The following LRCH3 variants were observed in gnomAD, a reference collection of about 807,000 sequenced individuals.
The protein encoded by LRCH3 is DISP complex protein LRCH3.
In LRCH3, 68 loss-of-function variants were observed where a neutral mutation model predicts 104.5. That is an observed-to-expected ratio of 0.65 (90% CI 0.54 to 0.80). LRCH3 has a LOEUF of 0.80. Ranked by LOEUF, LRCH3 falls within the 30% of genes least tolerant of loss-of-function variation. The probability of loss-of-function intolerance (pLI) is 0.00; values close to 1 mark genes in which losing one functional copy is unlikely to be tolerated. For missense variants in LRCH3, 951 were observed against 953.9 expected, an observed-to-expected ratio of 1.00 and a Z score of 0.04; for synonymous variants, 344 against 361.3, an observed-to-expected ratio of 0.95 and a Z score of 0.54.
chr3:197,811,898 G>A (rs1733163480), intron 1 of LRCH3, among the ~76,000 whole-genome samples: 1 of 152,164 alleles, frequency 6.6e-6, no homozygotes. Context: ...TTTTATTGCT[G>A]AGACATAAGA....
intron 9 of LRCH3, among the ~76,000 whole-genome samples, chr3:197,838,799 T>A (rs956231924): frequency 6.6e-6 from 1 of 152,240 alleles, no homozygotes; most frequent in African/African-American, 2.4e-5. Flanking sequence ...AATTACTTTT[T>A]GTTTTGTCTT....
At chr3:197,792,171 C>T (rs1180567934) in intron 1 of LRCH3, among the ~76,000 whole-genome samples, 1 of 151,728 alleles carries the variant, frequency 6.6e-6, no homozygotes, top group Non-Finnish European at 1.5e-5. Flanking sequence ...CTTTCTTCGC[C>T]TCCATCTAGT....
At chr3:197,826,851 G>A (rs778601922) in intron 4 of LRCH3, 27 bp from the exon 5 acceptor site, 2 of 1,613,534 alleles carry the variant, frequency 1.2e-6, no homozygotes, top group Admixed American at 1.7e-5. Flanking sequence ...ATCATTAATT[G>A]TTCATTTCCA....
chr3:197,855,675 A>G (rs1367058087), intron 14 of LRCH3, among the ~76,000 whole-genome samples: 2 of 152,236 alleles, frequency 1.3e-5, no homozygotes, highest in Non-Finnish European at 2.9e-5. Context: ...TCTGAGTGCC[A>G]AGACTTTTTT....
At position 197,852,599 on chromosome 3, in the gene LRCH3, C is replaced by T. The variant is rs778904360; in HGVS notation, c.1569C>T (p.Leu523=). 1.2e-6 allele frequency: 2 copies of T among 1,613,936 alleles called. No individual in the cohort carries two copies. Among genetic ancestry groups the T allele is most frequent in the Admixed American group, 1.7e-5 (1 of 60,006 alleles). ...ASQSPQKQHP[L]LDGVDGECPF... ...AAAGTCCACAAAAACAGCACCCGCTCCTAGATGGCGTAGATGGTGAGGTAA... is the reference window on the plus strand; with the variant it reads ...AAAGTCCACAAAAACAGCACCCGCTTCTAGATGGCGTAGATGGTGAGGTAA... The change falls in exon 13 of 21, where the codon CTC becomes CTT. Residue 523 remains leucine, a synonymous_variant. Transcript: ENST00000425562.
rs1310581404 is a variant in LRCH3 at position 197,856,685 on chromosome 3, CTTG to C, written c.1645-2146_1645-2144del. Among the ~76,000 whole-genome samples the C allele has an allele frequency of 6.6e-6, 1 of 152,138 alleles. No individual in the cohort carries two copies. Among genetic ancestry groups the C allele is most frequent in the African/African-American group, 2.4e-5 (1 of 41,424 alleles). Reference sequence around the variant, plus strand: ...TACAGGCATGAGCCACCGTGCCCAGCTTGTTTATTCTTTTATTATCTCTTTTCT... The same window carrying C: ...TACAGGCATGAGCCACCGTGCCCAGCTTTATTCTTTTATTATCTCTTTTCT... On this transcript the variant is annotated intron_variant, in intron 14 of 20. Transcript: ENST00000425562. This position sits in a 1 kb window ranked among gnomAD's most constrained non-coding sequence, Gnocchi z 4.2.
At chr3:197,825,464 A>AT (rs58237989) in intron 4 of LRCH3, among the ~76,000 whole-genome samples, 421 of 20,062 alleles carry the variant, frequency 0.021, 176 homozygotes, top group Non-Finnish European at 0.025. Context: ...ATCCTCTTTG[A>AT]TTTTTTTTTT....
Position 197,875,779 on chromosome 3 carries a change from A to G in LRCH3, c.2208+4A>G, listed in dbSNP as rs1712819154. 4.0e-6 allele frequency: 6 copies of G among 1,518,660 alleles called. No individual in the cohort carries two copies. The highest frequency in any genetic ancestry group is 5.3e-6 in the Non-Finnish European group (6 of 1,134,458). The allele number at this position is 1,518,660 out of a possible 1,614,324, so 94.1% of individuals were successfully genotyped here. A position where few individuals can be genotyped will look rare whatever the true frequency, so the allele number is the denominator to read the frequency against. Reference sequence around the variant, plus strand: ...CAGAAAAATTGGTGTACCTCAGGTAATAAATTTATCATTTTTTATGTTGCC... The same window carrying G: ...CAGAAAAATTGGTGTACCTCAGGTAGTAAATTTATCATTTTTTATGTTGCC... On this transcript the variant is annotated splice_donor_region_variant and intron_variant, in intron 20 of 20. Transcript: ENST00000425562.
chr3:197,834,939 T>C (rs1560558540), intron 8 of LRCH3, among the ~76,000 whole-genome samples: 1 of 151,856 alleles, frequency 6.6e-6, no homozygotes, highest in Non-Finnish European at 1.5e-5. Flanking sequence ...AGCCCAGGAG[T>C]TGGAGACCAG....
intron 1 of LRCH3, among the ~76,000 whole-genome samples, chr3:197,812,227 G>C (rs1447246152): frequency 6.6e-6 from 1 of 152,010 alleles, no homozygotes; most frequent in South Asian, 2.1e-4. Flanking sequence ...TATGAATTTG[G>C]CTGTTCTAGG....
intron 20 of LRCH3, among the ~76,000 whole-genome samples, chr3:197,880,282 C>A (rs1424898374): frequency 6.6e-6 from 1 of 152,198 alleles, no homozygotes; most frequent in East Asian, 1.9e-4. Flanking sequence ...CAGTCACCAA[C>A]AAACGAATTT....
At chr3:197,799,822 G>A (rs1433314251) in intron 1 of LRCH3, among the ~76,000 whole-genome samples, 3 of 151,056 alleles carry the variant, frequency 2.0e-5, no homozygotes, top group Non-Finnish European at 4.4e-5. Flanking sequence ...GCAGTGAGCC[G>A]AGATCACGTC....
chr3:197,882,967 G>A (rs940943049), intron 20 of LRCH3: 1 of 985,390 alleles, frequency 1.0e-6, no homozygotes, highest in East Asian at 1.1e-4. Flanking sequence ...TTAGGGGGAA[G>A]TTTCTCAAGA....
chr3:197,839,381 T>G lies in LRCH3; in HGVS notation c.1312T>G (p.Tyr438Asp). ...TCAAAAAACAGAAGATATGAGAAGATATTTACATCAAAACAGGTTTGAAAA... is the reference window on the plus strand; with the variant it reads ...TCAAAAAACAGAAGATATGAGAAGAGATTTACATCAAAACAGGTTTGAAAA... ...EFQKTEDMRR[Y>D]LHQNRVPAEP... Residue 438 changes from tyrosine to aspartate, a missense_variant, in exon 10 of 21, where the codon TAT (tyrosine) becomes GAT (aspartate). Transcript: ENST00000425562. 1 of 1,589,728 alleles carries G rather than the reference T, an allele frequency of 6.3e-7. No homozygotes were observed. The highest frequency in any genetic ancestry group is 8.5e-7 in the Non-Finnish European group (1 of 1,170,446).
intron 20 of LRCH3, chr3:197,882,599 C>A: frequency 1.0e-6 from 1 of 962,314 alleles, no homozygotes; most frequent in East Asian, 1.1e-4. Context: ...CACCAGAATT[C>A]TATATTCTGT....
intron 1 of LRCH3, among the ~76,000 whole-genome samples, chr3:197,802,207 C>A (rs1157576528): frequency 6.6e-6 from 1 of 152,218 alleles, no homozygotes; most frequent in Non-Finnish European, 1.5e-5. Flanking sequence ...TCAGCAAAAT[C>A]CCCTCTTCCA....
rs115322497 is a variant in LRCH3 at position 197,878,408 on chromosome 3, C to T, written c.2208+2633C>T. ...TTGACCATGTTTGTTATGGGCCAGC[C>T]TGCCCCTGTTCCTACCAGAGCTGTG... On this transcript the variant is annotated intron_variant, in intron 20 of 20. Coordinates refer to ENST00000425562, the MANE Select transcript of LRCH3 (RefSeq NM_001365715.1). Among the ~76,000 whole-genome samples the T allele has an allele frequency of 1.2e-3, 176 of 152,260 alleles. 1 individual carries two copies. The highest frequency in any genetic ancestry group is 2.0e-3 in the Non-Finnish European group (137 of 68,020).
intron 20 of LRCH3, among the ~76,000 whole-genome samples, chr3:197,880,214 G>C (rs998613008): frequency 2.6e-5 from 4 of 152,058 alleles, no homozygotes; most frequent in Admixed American, 1.3e-4. Context: ...CAAAGTGCTG[G>C]GATTACAGGT....
In LRCH3 at chr3:197,852,580, C is replaced by A. The variant is rs2109418659; in HGVS notation, c.1550C>A (p.Pro517Gln). The stretch of plus-strand genomic sequence containing the variant: ...ATACAGCAAAAAGCATCACAAAGTC[C>A]ACAAAAACAGCACCCGCTCCTAGAT... ...DFVKQKASQS[P>Q]QKQHPLLDGV... The change falls in exon 13 of 21, where the codon CCA (proline) becomes CAA (glutamine). Residue 517 changes from proline (P) to glutamine (Q), a missense_variant. Pro to Gln is a moderately conservative substitution (Grantham distance 76). Transcript: ENST00000425562. 2 of 1,613,972 alleles carry A rather than the reference C, an allele frequency of 1.2e-6. No individual in the cohort carries two copies. Among genetic ancestry groups the A allele is most frequent in the East Asian group, 4.5e-5 (2 of 44,868 alleles).
Sources: allele counts gnomAD v4.1 joint callset (sites outside exome capture counted in the v4.1 genomes callset), GRCh38; gene constraint gnomAD v4.1.1; non-coding constraint Gnocchi (gnomAD v3.1); transcripts MANE v1.5; gene names NCBI Gene and HGNC (gene_info 2026-07-23, HGNC 2026-07-21).